NLRC5: variants seen among roughly 807,000 people sequenced by gnomAD.
NLRC5 encodes the protein NLR family CARD domain containing 5.
Under a neutral mutation model 206.9 loss-of-function variants are expected in NLRC5, and 114 were observed. The observed-to-expected ratio is 0.55, with a 90% CI of 0.47 to 0.64. NLRC5 has a LOEUF of 0.64. NLRC5 is among the 30% of genes least tolerant of loss of function. NLRC5 has a pLI of 0.00. For missense variants in NLRC5, 2,008 were observed against 2,305.5 expected (o/e 0.87, Z 2.64); for synonymous variants, 952 against 962.8 (o/e 0.99, Z 0.21).
chr16:57,053,027 T>C (rs146355182), intron 24 of NLRC5: 50 of 152,372 alleles, frequency 3.3e-4, no homozygotes, highest in African/African-American at 1.1e-3. Flanking sequence ...GGCCAGGCAT[T>C]GTGTGACGAC....
rs756879321 is a variant in NLRC5 at position 57,066,486 on chromosome 16, T to C, written c.4242-48T>C. On this transcript the variant is annotated intron_variant, in intron 33 of 48. Transcript: ENST00000688547. The stretch of plus-strand genomic sequence containing the variant: ...GGCAGCCCAGGTGCCAGCTAGGCCC[T>C]CCGGGGAAGGCTGCCCGACCTCACG... 13 of 1,577,806 alleles carry C rather than the reference T, an allele frequency of 8.2e-6. No homozygotes were observed. In the Admixed American group the frequency reaches 1.7e-4, roughly 20 times the overall value.
At position 57,079,539 on chromosome 16, in the gene NLRC5, T is replaced by C. The variant is rs564425651; in HGVS notation, c.5238-7T>C. The C allele has an allele frequency of 3.0e-5, 49 of 1,613,720 alleles. No individual in the cohort carries two copies. In the South Asian group the frequency reaches 5.1e-4, roughly 17 times the overall value. On this transcript the variant is annotated splice_polypyrimidine_tract_variant and splice_region_variant and intron_variant, in intron 45 of 48. Coordinates refer to ENST00000688547, the MANE Select transcript of NLRC5 (RefSeq NM_001384950.1). ...CCATCCCATCCCATGCCCTTCTCCA[T>C]CCCCAGCCTGGTTTCCTGTAAGATT...
intron 36 of NLRC5, 98 bp downstream of exon 36, chr16:57,067,926 T>G (rs2144826937): frequency 1.0e-6 from 1 of 961,664 alleles, no homozygotes. Context: ...ACTCTTACTC[T>G]GTGTCTTACT....
rs772651939 is a variant in NLRC5, at chr16:57,026,283, G to GC, written c.1346dup (p.Gly450TrpfsTer105). The stretch of plus-strand genomic sequence containing the variant: ...TATATGCAGATGGTGCTCGCCCTCA[G>GC]CCCCCCTGGGCACTTGCCCACCTCG... On this transcript the variant is annotated frameshift_variant, in exon 6 of 49. Transcript: ENST00000688547. LOFTEE classifies it high-confidence loss of function. 6.2e-7 allele frequency: 1 copy of GC among 1,613,850 alleles called. No homozygotes were observed. The highest frequency in any genetic ancestry group is 1.3e-5 in the African/African-American group (1 of 74,946).
At chr16:57,054,976 G>T in intron 25 of NLRC5, 56 bp from the exon 26 acceptor site, 3 of 1,605,280 alleles carry the variant, frequency 1.9e-6, no homozygotes. Context: ...CTGGCCCCGT[G>T]GGGGCATCCT....
intron 22 of NLRC5, among the ~76,000 whole-genome samples, chr16:57,047,259 G>A (rs1339632280): frequency 6.6e-6 from 1 of 152,190 alleles, no homozygotes; most frequent in Non-Finnish European, 1.5e-5. Context: ...AAATGGTCAA[G>A]GTGAGTGAGG....
chr16:57,076,810 C>T lies in NLRC5; in HGVS notation c.4752-9C>T, dbSNP rs536042998. On this transcript the variant is annotated splice_polypyrimidine_tract_variant and intron_variant, in intron 39 of 48. Coordinates refer to ENST00000688547, the MANE Select transcript of NLRC5 (RefSeq NM_001384950.1). ...TGAAAGCCTCTTGGTCTATTCCCTG[C>T]TTTTCCAGACTGAACAGGAACAGTA... 50 of 1,613,900 alleles carry T rather than the reference C, an allele frequency of 3.1e-5. No individual in the cohort carries two copies. Among genetic ancestry groups the T allele is most frequent in the South Asian group, 3.1e-4 (28 of 91,092 alleles).
At chr16:57,002,977 C>G (rs1419918284) in intron 1 of NLRC5, among the ~76,000 whole-genome samples, 1 of 151,932 alleles carries the variant, frequency 6.6e-6, no homozygotes, top group Non-Finnish European at 1.5e-5. Context: ...TCCGAACTGT[C>G]CTGTAGTGGC....
chr16:57,027,132 A>G, intron 6 of NLRC5, 114 bp downstream of exon 6: 1 of 1,268,650 alleles, frequency 7.9e-7, no homozygotes, highest in Non-Finnish European at 1.1e-6. Flanking sequence ...GAATATCAGA[A>G]CATAATGGCC....
Position 57,020,817 on chromosome 16 carries a change from C to G in NLRC5, c.105C>G (p.Phe35Leu), listed in dbSNP as rs138632748. 7 of 1,613,342 alleles carry G rather than the reference C, an allele frequency of 4.3e-6. No homozygotes were observed. Among genetic ancestry groups the G allele is most frequent in the Non-Finnish European group, 5.9e-6 (7 of 1,179,920 alleles). Residue 35 changes from phenylalanine (F) to leucine (L), a missense_variant, in exon 3 of 49, where the codon TTC (phenylalanine) becomes TTG (leucine). Phe to Leu is a conservative substitution (Grantham distance 22, BLOSUM62 0). Transcript: ENST00000688547. ...GGCTGAACGCCAAGATGAAGTTCTT[C>G]CTCCCCAACACGGACCTGGATTCCA... ...PEWLNAKMKF[F>L]LPNTDLDSRN...
At chr16:57,049,289 C>T (rs892741069) in intron 23 of NLRC5, among the ~76,000 whole-genome samples, 20 of 152,244 alleles carry the variant, frequency 1.3e-4, no homozygotes, top group Middle Eastern at 6.8e-3. Flanking sequence ...TTGTGTAGCA[C>T]TGCAGTCAGT....
chr16:57,027,211 CTG>C (rs1336952174), intron 6 of NLRC5, among the ~76,000 whole-genome samples, 193 bp downstream of exon 6: 1 of 152,238 alleles, frequency 6.6e-6, no homozygotes, highest in Non-Finnish European at 1.5e-5. Flanking sequence ...CTCCTCTTGT[CTG>C]TGGTTTCTGG....
chr16:57,079,703 C>A, intron 46 of NLRC5, 74 bp downstream of exon 46: 2 of 1,254,846 alleles, frequency 1.6e-6, no homozygotes, highest in Non-Finnish European at 1.2e-6. Flanking sequence ...TTGGCTCCAG[C>A]CTGCTGTGTG....
At chr16:57,014,518 A>G (rs1171674746) in intron 1 of NLRC5, among the ~76,000 whole-genome samples, 2 of 152,230 alleles carry the variant, frequency 1.3e-5, no homozygotes, top group Non-Finnish European at 2.9e-5. Flanking sequence ...CAGCGGTTTT[A>G]TTATGAAATA....
rs777467415 is a variant in NLRC5, at chr16:57,061,623, C to G, written c.4076C>G (p.Thr1359Ser). 1 of 1,610,216 alleles carries G rather than the reference C, an allele frequency of 6.2e-7. No homozygotes were observed. Among genetic ancestry groups the G allele is most frequent in the Non-Finnish European group, 8.5e-7 (1 of 1,179,334 alleles). Residue 1359 changes from threonine to serine, a missense_variant, in exon 32 of 49, where the codon ACC becomes AGC. Thr to Ser is a moderately conservative substitution (Grantham distance 58). Coordinates refer to ENST00000688547, the MANE Select transcript of NLRC5 (RefSeq NM_001384950.1). ...TGACTGACCTCTGTCTCCAGGCTGACCCAGTGCTGCCTGGGCCAGAAGCAG... is the reference window on the plus strand; with the variant it reads ...TGACTGACCTCTGTCTCCAGGCTGAGCCAGTGCTGCCTGGGCCAGAAGCAG... Reference protein sequence around the residue: ...KSLQLTELTLTQCCLGQKQLA... With the variant: ...KSLQLTELTLSQCCLGQKQLA...
Position 57,066,696 on chromosome 16 carries a change from C to A in NLRC5, c.4322+82C>A, listed in dbSNP as rs996537868. On this transcript the variant is annotated intron_variant, in intron 34 of 48. Coordinates refer to ENST00000688547, the MANE Select transcript of NLRC5 (RefSeq NM_001384950.1). ...GCTGCTTCTGACCAATATTCACCAC[C>A]CTGCCCAGAGACCTTAGGGGTTCGA... The A allele has an allele frequency of 1.3e-4, 163 of 1,257,514 alleles. No individual in the cohort carries two copies. The African/African-American group carries it at 2.0e-3, about 15-fold the overall frequency. The allele number at this position is 1,257,514 out of a possible 1,614,324, so 77.9% of individuals were successfully genotyped here. A position where few individuals can be genotyped will look rare whatever the true frequency, so the allele number is the denominator to read the frequency against.
intron 20 of NLRC5, among the ~76,000 whole-genome samples, chr16:57,044,905 G>C (rs185203479): frequency 1.4e-5 from 2 of 146,882 alleles, no homozygotes; most frequent in African/African-American, 2.5e-5. Context: ...GCAAGACTCT[G>C]TCTCAAAGAA....
chr16:57,023,911 G>A (rs2060964308), intron 5 of NLRC5, 58 bp downstream of exon 5: 1 of 1,486,694 alleles, frequency 6.7e-7, no homozygotes, highest in African/African-American at 1.4e-5. Context: ...TGGGGGCCAA[G>A]ACCCGGACCC....
chr16:57,082,570 C>A lies in NLRC5; in HGVS notation c.*42C>A. On this transcript the variant is annotated 3_prime_UTR_variant, in exon 49 of 49. Transcript: ENST00000688547. ...TTTGGAATCCAGCCAAGTGATGCAC[C>A]CAAATGATCCACCTTTCGCCCACTG... 7.1e-7 allele frequency: 1 copy of A among 1,413,314 alleles called. No homozygotes were observed. Among genetic ancestry groups the A allele is most frequent in the Non-Finnish European group, 1.0e-6 (1 of 1,003,830 alleles). 87.5% of individuals were successfully genotyped at this position (1,413,314 alleles called of 1,614,324 possible). A position where few individuals can be genotyped will look rare whatever the true frequency, so the allele number is the denominator to read the frequency against.
Sources: gnomAD v4.1 joint callset for allele counts (sites outside exome capture counted in the v4.1 genomes callset) on GRCh38, gnomAD v4.1.1 for gene constraint, MANE v1.5 for transcripts, NCBI Gene and HGNC (gene_info 2026-07-23, HGNC 2026-07-21) for gene names.